The following MEFV variants were observed in gnomAD, a reference collection of about 807,000 sequenced individuals.
MEFV encodes the protein pyrin.
A neutral mutation model predicts 62.5 loss-of-function variants in MEFV; 60 were observed. That is an observed-to-expected ratio of 0.96 (90% confidence interval 0.78 to 1.19). The LOEUF (loss-of-function observed/expected upper bound fraction) is 1.19. MEFV is among the 50% of genes most tolerant of loss of function. The pLI is 0.00. For synonymous variants in MEFV, 500 were observed against 415.2 expected (o/e 1.20, Z -2.48); for missense variants, 1,169 against 1,004.5 (o/e 1.16, Z -2.21).
At chr16:3,245,180 C>G (rs1958921888) in intron 6 of MEFV, among the ~76,000 whole-genome samples, 1 of 151,836 alleles carries the variant, frequency 6.6e-6, no homozygotes. Context: ...CCCAGCTACT[C>G]AGGATGCCAG....
intron 2 of MEFV, among the ~76,000 whole-genome samples, chr16:3,253,422 G>A (rs569711213): frequency 5.3e-4 from 81 of 152,168 alleles, no homozygotes; most frequent in South Asian, 4.8e-3. Flanking sequence ...GCAAGCAGAC[G>A]CCTGCAGAGG....
Position 3,247,142 on chromosome 16 carries a change from C to T in MEFV, c.1461G>A (p.Val487=), listed in dbSNP as rs1370559441. The T allele has an allele frequency of 6.2e-7, 1 of 1,614,188 alleles. No individual in the cohort carries two copies. The highest frequency in any genetic ancestry group is 1.7e-5 in the Admixed American group (1 of 59,994). The change falls in exon 5 of 10, where the codon GTG becomes GTA. Residue 487 remains valine, a synonymous_variant. Transcript: ENST00000219596. ...TCCTGATCTGCCCAACCATCTGGCC[C>T]ACGTCCTCCAGTGAGGCCACAAAGA... The part of the protein sequence containing the change: ...EHFFVASLED[V]GQMVGQIRKA...
At chr16:3,243,984 G>A in intron 8 of MEFV, 92 bp from the exon 9 acceptor site, 1 of 1,579,222 alleles carries the variant, frequency 6.3e-7, no homozygotes. Flanking sequence ...GAAAGACAAG[G>A]AACCCCCTGC....
chr16:3,254,686 C>G lies in MEFV; in HGVS notation c.382G>C (p.Glu128Gln), dbSNP rs368981831. The stretch of plus-strand genomic sequence containing the variant: ...CCGTACGGCCGAGGGCCGTTCCCCT[C>G]GTTCCCCTCGGGGTGGTCTGGAGTC... ...LKTPDHPEGNEGNGPRPYGGG... is the reference protein window; with the variant it reads ...LKTPDHPEGNQGNGPRPYGGG... Residue 128 changes from glutamate (E) to glutamine (Q), a missense_variant, in exon 2 of 10, where the codon GAG becomes CAG. By Grantham distance (29) the Glu-to-Gln change is conservative (BLOSUM62 2). Transcript: ENST00000219596. 3 of 1,612,448 alleles carry G rather than the reference C, an allele frequency of 1.9e-6. No individual in the cohort carries two copies. In the East Asian group the frequency reaches 6.7e-5, roughly 36 times the overall value.
intron 2 of MEFV, among the ~76,000 whole-genome samples, chr16:3,253,118 C>A (rs1028145831): frequency 6.6e-6 from 1 of 151,820 alleles, no homozygotes; most frequent in Non-Finnish European, 1.5e-5. Flanking sequence ...TTAAAAAAAT[C>A]CAGATGGCCT....
At position 3,243,187 on chromosome 16, in the gene MEFV, G is replaced by C; in HGVS notation, c.2300C>G (p.Thr767Arg). 2 of 1,614,100 alleles carry C rather than the reference G, an allele frequency of 1.2e-6. No homozygotes were observed. Among genetic ancestry groups the C allele is most frequent in the Non-Finnish European group, 1.7e-6 (2 of 1,180,040 alleles). Residue 767 changes from threonine (T) to arginine (R), a missense_variant, in exon 10 of 10, where the codon ACA becomes AGA. Transcript: ENST00000219596. ...SPGTRDGGKN[T>R]APLTICPVGG... ...CACTGGACAGATAGTCAGAGGAGCT[G>C]TGTTCTTCCCTCCATCACGTGTCCC...
At chr16:3,254,865 G>GAATC in intron 1 of MEFV, 75 bp from the exon 2 acceptor site, 1 of 1,598,496 alleles carries the variant, frequency 6.3e-7, no homozygotes, top group Non-Finnish European at 8.5e-7. Context: ...AGAGGAGAGA[G>GAATC]AATCCCCTTG....
intron 6 of MEFV, 143 bp from the exon 7 acceptor site, chr16:3,244,731 G>C: frequency 1.4e-6 from 1 of 726,580 alleles, no homozygotes; most frequent in South Asian, 1.5e-5. Context: ...CCTGGATTCA[G>C]AGGTCTAAAT....
intron 2 of MEFV, among the ~76,000 whole-genome samples, chr16:3,252,289 T>C (rs79625364): frequency 6.6e-6 from 1 of 150,944 alleles, no homozygotes; most frequent in African/African-American, 2.4e-5. Flanking sequence ...TTTTTTTTTT[T>C]TGAGACAGAG....
chr16:3,251,499 G>C (rs1959031420), intron 2 of MEFV, among the ~76,000 whole-genome samples: 1 of 152,242 alleles, frequency 6.6e-6, no homozygotes, highest in Admixed American at 6.5e-5. Flanking sequence ...GGGACCGCCT[G>C]TGTATCATTT....
chr16:3,255,567 G>C (rs1959105019), intron 1 of MEFV, among the ~76,000 whole-genome samples: 1 of 151,634 alleles, frequency 6.6e-6, no homozygotes, highest in African/African-American at 2.4e-5. Context: ...ACCACGCCTG[G>C]CTCATTTTTT....
chr16:3,251,965 C>G, intron 2 of MEFV: 1 of 427,200 alleles, frequency 2.3e-6, no homozygotes, highest in Middle Eastern at 4.6e-4. Context: ...ACCTGTAATC[C>G]CAGCAGTTTC....
rs1374774438 is a variant in MEFV at position 3,242,935 on chromosome 16, T to C, written c.*206A>G. ...CTCCTCTGAAATCCATGGTGTGTCATCAGTACATGTCTTCACCCGGATTGA... is the reference window on the plus strand; with the variant it reads ...CTCCTCTGAAATCCATGGTGTGTCACCAGTACATGTCTTCACCCGGATTGA... On this transcript the variant is annotated 3_prime_UTR_variant, in exon 10 of 10. Coordinates refer to ENST00000219596, the MANE Select transcript of MEFV (RefSeq NM_000243.3). The C allele has an allele frequency of 9.7e-6, 6 of 616,558 alleles. No homozygotes were observed. The highest frequency in any genetic ancestry group is 9.1e-5 in the African/African-American group (5 of 54,678). The allele number at this position is 616,558 out of a possible 1,614,324, so 38.2% of individuals were successfully genotyped here.
Position 3,249,714 on chromosome 16 carries a change from G to T in MEFV, c.977C>A (p.Thr326Asn). ...HAQEGDPVDG[T>N]CVRDSCSFPE... ...GAAGCTGCAGGAATCACGCACACAGGTACCGTCAACTGGGTCTCCTTCCTG... is the reference window on the plus strand; with the variant it reads ...GAAGCTGCAGGAATCACGCACACAGTTACCGTCAACTGGGTCTCCTTCCTG... Residue 326 changes from threonine to asparagine, a missense_variant, in exon 3 of 10, where the codon ACC (threonine) becomes AAC (asparagine). Thr to Asn is a moderately conservative substitution (Grantham distance 65). Coordinates refer to ENST00000219596, the MANE Select transcript of MEFV (RefSeq NM_000243.3). 1 of 1,613,996 alleles carries T rather than the reference G, an allele frequency of 6.2e-7. No individual in the cohort carries two copies. Among genetic ancestry groups the T allele is most frequent in the Non-Finnish European group, 8.5e-7 (1 of 1,179,904 alleles).
At chr16:3,249,824 G>C in intron 2 of MEFV, 44 bp from the exon 3 acceptor site, 1 of 1,536,828 alleles carries the variant, frequency 6.5e-7, no homozygotes, top group Non-Finnish European at 8.9e-7. Flanking sequence ...GCAAACCCAA[G>C]TTGCTTACAC....
chr16:3,256,387 C>T lies in MEFV; in HGVS notation c.201G>A (p.Val67=). The T allele has an allele frequency of 1.2e-6, 2 of 1,614,024 alleles. No individual in the cohort carries two copies. The highest frequency in any genetic ancestry group is 1.7e-6 in the Non-Finnish European group (2 of 1,179,956). The stretch of plus-strand genomic sequence containing the variant: ...CCCGCAGGACCTGCAGGGTGAGCTG[C>T]ACGGCGTACTCTTCCCCATAGTAGG... ...LVTYYGEEYA[V]QLTLQVLRAI... The change falls in exon 1 of 10, where the codon GTG becomes GTA. Residue 67 remains valine, a synonymous_variant. Transcript: ENST00000219596.
In MEFV at chr16:3,256,577, G is replaced by T. The variant is rs1386260680; in HGVS notation, c.11C>A (p.Thr4Asn). MAK[T>N]PSDHLLSTLE... ...GGTGGACAGCAGATGGTCACTAGGG[G>T]TCTTAGCCATGGTGCTGAGCAGGAG... is the stretch of plus-strand genomic sequence containing the variant. Residue 4 changes from threonine (T) to asparagine (N), a missense_variant, in exon 1 of 10, where the codon ACC (threonine) becomes AAC (asparagine). Coordinates refer to ENST00000219596, the MANE Select transcript of MEFV (RefSeq NM_000243.3). The T allele has an allele frequency of 1.2e-6, 2 of 1,614,216 alleles. No homozygotes were observed. Among genetic ancestry groups the T allele is most frequent in the South Asian group, 2.2e-5 (2 of 91,084 alleles).
rs1357218579 is a variant in MEFV, at chr16:3,242,954, G to A, written c.*187C>T. On this transcript the variant is annotated 3_prime_UTR_variant, in exon 10 of 10. Coordinates refer to ENST00000219596, the MANE Select transcript of MEFV (RefSeq NM_000243.3). ...GTGTCATCAGTACATGTCTTCACCC[G>A]GATTGACTAACATGTTCGTTCCTAA... 1.5e-5 allele frequency: 10 copies of A among 662,800 alleles called. No homozygotes were observed. Among genetic ancestry groups the A allele is most frequent in the South Asian group, 1.4e-4 (8 of 56,924 alleles). 41.1% of individuals were successfully genotyped at this position (662,800 alleles called of 1,614,324 possible).
rs552069051 is a variant in MEFV, at chr16:3,249,092, G to A, written c.1261-88C>T. On this transcript the variant is annotated intron_variant, in intron 3 of 9. Coordinates refer to ENST00000219596, the MANE Select transcript of MEFV (RefSeq NM_000243.3). ...ACTCTGGAGGGGAACATCTCCTTCT[G>A]GTAGCAAGGCTGAGGGTGCTGCTGC... The A allele has an allele frequency of 6.0e-6, 8 of 1,334,476 alleles. No homozygotes were observed. In the African/African-American group the frequency reaches 1.1e-4, roughly 19 times the overall value. The allele number at this position is 1,334,476 out of a possible 1,614,324, so 82.7% of individuals were successfully genotyped here.
Sources: gnomAD v4.1 joint callset for allele counts (sites outside exome capture counted in the v4.1 genomes callset) on GRCh38, gnomAD v4.1.1 for gene constraint, MANE v1.5 for transcripts, NCBI Gene and HGNC (gene_info 2026-07-23, HGNC 2026-07-21) for gene names.